ARID1B: variants seen among roughly 807,000 people sequenced by gnomAD.
The protein encoded by ARID1B is AT-rich interactive domain-containing protein 1B.
ARID1B carries 30 observed loss-of-function variants against 212.3 expected under a neutral mutation model. The observed-to-expected ratio is 0.14, with a 90% CI of 0.11 to 0.19. The LOEUF is 0.19. Ranked by LOEUF, ARID1B falls within the 10% of genes least tolerant of loss-of-function variation. ARID1B has a pLI of 1.00. For missense variants in ARID1B, 2,891 were observed against 3,204.0 expected (o/e 0.90, Z 2.36); for synonymous variants, 1,402 against 1,301.7 (o/e 1.08, Z -1.66).
intron 4 of ARID1B, 65 bp downstream of exon 4, chr6:156,935,641 TTTTG>T (rs1361289718): frequency 1.4e-6 from 2 of 1,381,250 alleles, no homozygotes; most frequent in Admixed American, 3.6e-5. Context: ...GAGCTGTTGT[TTTTG>T]TTTGTTCTAC....
intron 4 of ARID1B, among the ~76,000 whole-genome samples, chr6:157,016,518 A>C (rs1309971460): frequency 6.6e-6 from 1 of 152,200 alleles, no homozygotes; most frequent in Non-Finnish European, 1.5e-5. Context: ...GAGGAGAAAA[A>C]AAAATATCGA....
chr6:156,921,110 A>G (rs1344513549), intron 3 of ARID1B, among the ~76,000 whole-genome samples: 1 of 151,964 alleles, frequency 6.6e-6, no homozygotes, highest in Non-Finnish European at 1.5e-5. Flanking sequence ...AGTAGTTCTC[A>G]TGTCTGCTTT....
At chr6:157,146,369 C>T (rs1296027151) in intron 7 of ARID1B, among the ~76,000 whole-genome samples, 1 of 152,174 alleles carries the variant, frequency 6.6e-6, no homozygotes, top group Non-Finnish European at 1.5e-5. Flanking sequence ...CCCCTAAGGT[C>T]CTACAGGCAG....
intron 5 of ARID1B, among the ~76,000 whole-genome samples, chr6:157,092,584 T>C (rs1785346339): frequency 6.6e-6 from 1 of 152,268 alleles, no homozygotes; most frequent in African/African-American, 2.4e-5. Context: ...ATCTTTTCAA[T>C]CTTTCATTCC....
chr6:157,163,672 T>G (rs1348983422), intron 8 of ARID1B, among the ~76,000 whole-genome samples: 2 of 152,194 alleles, frequency 1.3e-5, no homozygotes, highest in Non-Finnish European at 2.9e-5. Context: ...AGCTGTTGTA[T>G]TCATGTCTCC....
At chr6:156,924,728 A>G (rs927237481) in intron 3 of ARID1B, among the ~76,000 whole-genome samples, 1 of 152,170 alleles carries the variant, frequency 6.6e-6, no homozygotes, top group Admixed American at 6.5e-5. Context: ...ATGGATGAGG[A>G]AAGGAATTAT....
At chr6:156,876,247 T>G (rs1196833619) in intron 2 of ARID1B, among the ~76,000 whole-genome samples, 1 of 152,224 alleles carries the variant, frequency 6.6e-6, no homozygotes, top group Non-Finnish European at 1.5e-5. Flanking sequence ...TAAGTTTGTA[T>G]TAATGTTTGT....
intron 4 of ARID1B, chr6:156,940,821 G>A (rs1418939712): frequency 2.0e-5 from 3 of 152,146 alleles, no homozygotes; most frequent in Non-Finnish European, 2.9e-5. Flanking sequence ...TTTTAACTGG[G>A]TTCAGCTTTT....
At chr6:157,122,208 C>A (rs1372125827) in intron 6 of ARID1B, among the ~76,000 whole-genome samples, 1 of 151,478 alleles carries the variant, frequency 6.6e-6, no homozygotes, top group African/African-American at 2.5e-5. Flanking sequence ...TAGTCTTTAA[C>A]ACAGGTCTCC....
chr6:157,140,355 A>T (rs926059446), intron 7 of ARID1B, among the ~76,000 whole-genome samples: 9 of 152,130 alleles, frequency 5.9e-5, no homozygotes, highest in Non-Finnish European at 1.2e-4. Flanking sequence ...CTGTAATCCC[A>T]GCTACTCAGG....
intron 11 of ARID1B, 129 bp downstream of exon 11, chr6:157,175,134 C>A: frequency 2.5e-6 from 2 of 812,892 alleles, no homozygotes; most frequent in Non-Finnish European, 3.4e-6. Flanking sequence ...CATTATTTAT[C>A]CATGAAAGGG....
chr6:157,062,772 C>T (rs531472735), intron 4 of ARID1B, among the ~76,000 whole-genome samples: 12 of 150,342 alleles, frequency 8.0e-5, no homozygotes, highest in African/African-American at 2.9e-4. Context: ...GACGCGATCT[C>T]AGCTCACTGC....
Position 157,206,164 on chromosome 6 carries a change from C to T in ARID1B, c.5395-3C>T. ...TCTTTCTTCTCCTCCTCCTCCTCTCCAGTTGTCTGGATTTCTCGAACTTTT... is the reference window on the plus strand; with the variant it reads ...TCTTTCTTCTCCTCCTCCTCCTCTCTAGTTGTCTGGATTTCTCGAACTTTT... On this transcript the variant is annotated splice_region_variant and splice_polypyrimidine_tract_variant and intron_variant, in intron 19 of 19. Transcript: ENST00000636930. The surrounding 1 kb of genome is among the most constrained non-coding windows in gnomAD (Gnocchi z 6.8). 6.2e-7 allele frequency: 1 copy of T among 1,613,646 alleles called. No individual in the cohort carries two copies. Among genetic ancestry groups the T allele is most frequent in the Admixed American group, 1.7e-5 (1 of 59,976 alleles).
chr6:157,179,307 C>A (rs2128313479), intron 11 of ARID1B, among the ~76,000 whole-genome samples: 1 of 152,270 alleles, frequency 6.6e-6, no homozygotes, highest in South Asian at 2.1e-4. Flanking sequence ...GACGGCAGAG[C>A]TTCTGAGGTG....
intron 6 of ARID1B, 30 bp downstream of exon 6, chr6:157,110,591 T>C: frequency 6.2e-7 from 1 of 1,605,812 alleles, no homozygotes; most frequent in Non-Finnish European, 8.5e-7. Flanking sequence ...CTTACATGCC[T>C]ATAGTGCTTT....
chr6:157,203,432 A>G lies in ARID1B; in HGVS notation c.5264-434A>G, dbSNP rs1167769242. Among the ~76,000 whole-genome samples the G allele has an allele frequency of 6.6e-6, 1 of 152,216 alleles. No homozygotes were observed. Among genetic ancestry groups the G allele is most frequent in the Non-Finnish European group, 1.5e-5 (1 of 68,036 alleles). On this transcript the variant is annotated intron_variant, in intron 18 of 19. Coordinates refer to ENST00000636930, the MANE Select transcript of ARID1B (RefSeq NM_001374828.1). The surrounding 1 kb of genome is among the most constrained non-coding windows in gnomAD (Gnocchi z 4.4). ...GTTAAATTTTGCTTCCATGTTCTGC[A>G]TACTTGGCGGCCTTCCAGGACGCCA...
rs188483772 is a variant in ARID1B at position 156,954,745 on chromosome 6, G to A, written c.2247+19169G>A. 1.5e-4 allele frequency among the ~76,000 whole-genome samples: 23 copies of A among 151,926 alleles called. 1 individual carries two copies. Among genetic ancestry groups the A allele is most frequent in the Admixed American group, 1.2e-3 (19 of 15,266 alleles). On this transcript the variant is annotated intron_variant, in intron 4 of 19. Transcript: ENST00000636930. ...AATCTAAATCCTTCTTCTATATGAC[G>A]GCTGTTCACGTATTTGAAGATAGTT...
chr6:156,921,559 G>T (rs1790803135), intron 3 of ARID1B, among the ~76,000 whole-genome samples: 1 of 151,812 alleles, frequency 6.6e-6, no homozygotes, highest in South Asian at 2.1e-4. Context: ...GGATGCCTGT[G>T]GCCTGTCTAC....
chr6:157,115,517 T>G (rs753869035), intron 6 of ARID1B, among the ~76,000 whole-genome samples: 1 of 152,106 alleles, frequency 6.6e-6, no homozygotes, highest in African/African-American at 2.4e-5. Context: ...AGCTCCGCCT[T>G]CCGGGTTCAC....
Sources: gnomAD v4.1 joint callset for allele counts (sites outside exome capture counted in the v4.1 genomes callset) on GRCh38, gnomAD v4.1.1 for gene constraint, Gnocchi (gnomAD v3.1) non-coding constraint, MANE v1.5 for transcripts, NCBI Gene and HGNC (gene_info 2026-07-23, HGNC 2026-07-21) for gene names.